Variants in BMERB1 observed in about 807,000 individuals in gnomAD.
BMERB1 encodes the protein bMERB domain containing 1.
BMERB1 carries 12 observed loss-of-function variants against 23.6 expected under a neutral mutation model. That is an observed-to-expected ratio of 0.51 (90% CI 0.33 to 0.82). The LOEUF (loss-of-function observed/expected upper bound fraction) is 0.82. BMERB1 is among the 40% of genes least tolerant of loss of function. The pLI is 0.03. For missense variants in BMERB1, 247 were observed against 255.4 expected (o/e 0.97, Z 0.22); for synonymous variants, 122 against 96.6 (o/e 1.26, Z -1.54).
chr16:15,525,161 A>T (rs1300170935), intron 2 of BMERB1, among the ~76,000 whole-genome samples: 1 of 152,192 alleles, frequency 6.6e-6, no homozygotes, highest in African/African-American at 2.4e-5. Context: ...CCGTCCAATC[A>T]GTTGAAGGCC....
intron 1 of BMERB1, among the ~76,000 whole-genome samples, chr16:15,442,618 TTAA>T (rs1162722700): frequency 1.6e-4 from 24 of 152,318 alleles, no homozygotes; most frequent in Admixed American, 1.2e-3. Context: ...TAAACACATA[TTAA>T]TAATAATATC....
chr16:15,451,354 C>A (rs2051039564), intron 1 of BMERB1, among the ~76,000 whole-genome samples: 1 of 151,770 alleles, frequency 6.6e-6, no homozygotes, highest in Admixed American at 6.6e-5. Flanking sequence ...CTATGCCCAG[C>A]TAATTTTTAG....
chr16:15,566,488 A>G (rs2030566993), intron 2 of BMERB1, among the ~76,000 whole-genome samples: 4 of 152,152 alleles, frequency 2.6e-5, no homozygotes, highest in Admixed American at 2.0e-4. Flanking sequence ...AATAAATTAT[A>G]GTTAAATAGA....
At chr16:15,453,231 CAG>C (rs2051056935) in intron 1 of BMERB1, among the ~76,000 whole-genome samples, 1 of 151,976 alleles carries the variant, frequency 6.6e-6, no homozygotes. Context: ...GATAATAAAA[CAG>C]GGTTAATGCT....
intron 1 of BMERB1, among the ~76,000 whole-genome samples, chr16:15,504,025 A>G (rs554785325): frequency 6.6e-6 from 1 of 152,366 alleles, no homozygotes; most frequent in South Asian, 2.1e-4. Context: ...CATATGTTAC[A>G]GAGAACTTTC....
chr16:15,520,503 CAA>C (rs1470960994), intron 2 of BMERB1, among the ~76,000 whole-genome samples: 5 of 116,732 alleles, frequency 4.3e-5, no homozygotes, highest in African/African-American at 1.7e-4. Context: ...TTTTTTGAGA[CAA>C]GAGTCTCGAT....
At chr16:15,489,991 C>G (rs937618241) in intron 1 of BMERB1, among the ~76,000 whole-genome samples, 1 of 152,004 alleles carries the variant, frequency 6.6e-6, no homozygotes, top group Non-Finnish European at 1.5e-5. Context: ...CTCAGCCTTC[C>G]GAGTAGCTGG....
At chr16:15,436,110 G>A (rs1006511642) in intron 1 of BMERB1, among the ~76,000 whole-genome samples, 2 of 151,960 alleles carry the variant, frequency 1.3e-5, no homozygotes, top group Non-Finnish European at 2.9e-5. Flanking sequence ...TTTGATACAG[G>A]CATACAATGT....
chr16:15,515,508 G>A (rs770071960), intron 2 of BMERB1, 80 bp downstream of exon 2: 7 of 1,525,422 alleles, frequency 4.6e-6, no homozygotes, highest in African/African-American at 4.2e-5. Context: ...ATCGTCTACT[G>A]TGTGCCAGGC....
intron 1 of BMERB1, among the ~76,000 whole-genome samples, chr16:15,473,701 G>T (rs1032753567): frequency 3.9e-5 from 6 of 152,126 alleles, no homozygotes; most frequent in African/African-American, 7.2e-5. Flanking sequence ...ATTTTTGCCA[G>T]ATATAGAATT....
chr16:15,435,721 G>C (rs1029219732), intron 1 of BMERB1, among the ~76,000 whole-genome samples: 2 of 152,242 alleles, frequency 1.3e-5, no homozygotes, highest in Non-Finnish European at 2.9e-5. Context: ...TATTGTGAAT[G>C]TGATCTTATT....
intron 1 of BMERB1, among the ~76,000 whole-genome samples, chr16:15,481,551 T>C (rs1483644073): frequency 1.4e-4 from 21 of 151,592 alleles, no homozygotes; most frequent in Admixed American, 1.1e-3. Context: ...CCCAGGTGCA[T>C]GCCCAACTAC....
intron 3 of BMERB1, among the ~76,000 whole-genome samples, chr16:15,571,911 C>T (rs961983494): frequency 6.6e-6 from 1 of 152,146 alleles, no homozygotes; most frequent in Non-Finnish European, 1.5e-5. Context: ...CAATCCTCCC[C>T]TTCCTGCCCT....
intron 1 of BMERB1, among the ~76,000 whole-genome samples, chr16:15,486,807 C>T (rs976706511): frequency 6.6e-6 from 1 of 152,058 alleles, no homozygotes; most frequent in Admixed American, 6.6e-5. Context: ...AATCCTGGCC[C>T]CAATATTTGC....
At chr16:15,529,151 A>G (rs1416064427) in intron 2 of BMERB1, among the ~76,000 whole-genome samples, 1 of 152,010 alleles carries the variant, frequency 6.6e-6, no homozygotes, top group Non-Finnish European at 1.5e-5. Context: ...CAGCCTCCCG[A>G]GTAGCTGGGA....
At chr16:15,517,822 C>G (rs2051784211) in intron 2 of BMERB1, among the ~76,000 whole-genome samples, 2 of 125,972 alleles carry the variant, frequency 1.6e-5, no homozygotes. Context: ...ATGTGGGTGT[C>G]TGGATGTGTG....
At chr16:15,563,903 G>C (rs1333600748) in intron 2 of BMERB1, among the ~76,000 whole-genome samples, 2 of 152,166 alleles carry the variant, frequency 1.3e-5, no homozygotes, top group Non-Finnish European at 2.9e-5. Flanking sequence ...GGAGGTGTTT[G>C]GGTCACGGGG....
At chr16:15,519,352 G>A (rs1253127574) in intron 2 of BMERB1, among the ~76,000 whole-genome samples, 1 of 152,124 alleles carries the variant, frequency 6.6e-6, no homozygotes, top group Non-Finnish European at 1.5e-5. Context: ...TCATGGTTGA[G>A]AATGTGTCTC....
At chr16:15,465,507 C>T (rs1212698150) in intron 1 of BMERB1, among the ~76,000 whole-genome samples, 1 of 151,952 alleles carries the variant, frequency 6.6e-6, no homozygotes, top group Non-Finnish European at 1.5e-5. Flanking sequence ...CACCCACCAC[C>T]ATTCCAGGCC....
Sources: allele counts gnomAD v4.1 joint callset (sites outside exome capture counted in the v4.1 genomes callset), GRCh38; gene constraint gnomAD v4.1.1; transcripts MANE v1.5; gene names NCBI Gene and HGNC (gene_info 2026-07-23, HGNC 2026-07-21).